Variants in HORMAD2 observed in about 807,000 individuals in gnomAD.
HORMAD2 encodes the protein HORMA domain-containing protein 2.
Under a neutral mutation model 38.8 loss-of-function variants are expected in HORMAD2, and 45 were observed. The ratio of observed to expected loss-of-function variants is 1.16; its 90% confidence interval spans 0.91 to 1.49. The LOEUF (loss-of-function observed/expected upper bound fraction) is 1.49. Among genes scored for constraint, HORMAD2 ranks in the 40% most tolerant of loss-of-function variants. The pLI is 0.00. For missense variants in HORMAD2, 338 were observed against 367.0 expected, an observed-to-expected ratio of 0.92 and a Z score of 0.65; for synonymous variants, 126 against 122.8, an observed-to-expected ratio of 1.03 and a Z score of -0.17.
At chr22:30,120,739 A>G (rs1922368855) in intron 8 of HORMAD2, among the ~76,000 whole-genome samples, 1 of 152,234 alleles carries the variant, frequency 6.6e-6, no homozygotes, top group South Asian at 2.1e-4. Context: ...AGTTATCCTG[A>G]GGATGAGATG....
At chr22:30,177,371 C>G (rs1464317058), downstream of HORMAD2, among the ~76,000 whole-genome samples, 1 of 152,188 alleles carries the variant, frequency 6.6e-6, no homozygotes, top group East Asian at 1.9e-4. Flanking sequence ...AGCACTGCCC[C>G]TTGCCAGACT....
intron 10 of HORMAD2, among the ~76,000 whole-genome samples, chr22:30,141,249 C>T (rs556002303): frequency 3.3e-5 from 5 of 152,248 alleles, no homozygotes; most frequent in South Asian, 4.1e-4. Flanking sequence ...CCACCCACCT[C>T]GGCCTCCCAA....
At chr22:30,105,358 C>A in intron 5 of HORMAD2, 1 of 161,898 alleles carries the variant, frequency 6.2e-6, no homozygotes, top group South Asian at 1.5e-4. Flanking sequence ...CATTCTTGGT[C>A]ACCTTGTGGC....
chr22:30,173,621 T>C (rs569290216), intron 10 of HORMAD2, among the ~76,000 whole-genome samples: 8 of 152,326 alleles, frequency 5.3e-5, no homozygotes, highest in Admixed American at 3.9e-4. Context: ...TTCTTTGGAA[T>C]ACCCATGTGG....
downstream of HORMAD2, among the ~76,000 whole-genome samples, chr22:30,179,980 C>A (rs1186154023): frequency 2.0e-5 from 3 of 152,112 alleles, no homozygotes; most frequent in Non-Finnish European, 2.9e-5. Flanking sequence ...CCTTGACCTC[C>A]CAGGTTCAAG....
At chr22:30,134,136 T>C (rs5763797) in intron 10 of HORMAD2, among the ~76,000 whole-genome samples, 113,325 of 152,038 alleles carry the variant, frequency 0.75, 43,538 homozygotes, top group African/African-American at 0.93. Context: ...TGGTGGCTAA[T>C]GCCTGTAATC....
chr22:30,086,637 G>A (rs2068575368), intron 1 of HORMAD2, among the ~76,000 whole-genome samples: 1 of 152,128 alleles, frequency 6.6e-6, no homozygotes, highest in Non-Finnish European at 1.5e-5. Flanking sequence ...TAAAAACTCT[G>A]GCTGCAATAT....
intron 3 of HORMAD2, 57 bp from the exon 4 acceptor site, chr22:30,103,380 A>G (rs1920972694): frequency 2.1e-6 from 2 of 951,842 alleles, no homozygotes; most frequent in Admixed American, 2.0e-5. Context: ...AGCATGGACA[A>G]TTTCAGTACA....
intron 5 of HORMAD2, among the ~76,000 whole-genome samples, chr22:30,109,000 C>G (rs1921422274): frequency 6.9e-6 from 1 of 144,746 alleles, no homozygotes; most frequent in Non-Finnish European, 1.5e-5. Flanking sequence ...CCTTTCTTTC[C>G]TTTCCTCCTT....
intron 10 of HORMAD2, chr22:30,137,446 C>T (rs1025976348): frequency 9.3e-6 from 3 of 324,238 alleles, no homozygotes; most frequent in South Asian, 3.1e-5. Flanking sequence ...GTTGATCACA[C>T]CACTGCACTG....
intron 10 of HORMAD2, among the ~76,000 whole-genome samples, chr22:30,173,390 G>A (rs1311167798): frequency 6.6e-6 from 1 of 152,224 alleles, no homozygotes; most frequent in African/African-American, 2.4e-5. Context: ...CACTAAAGAA[G>A]TAATGGGAAT....
intron 10 of HORMAD2, among the ~76,000 whole-genome samples, chr22:30,155,154 G>A (rs964450714): frequency 9.2e-5 from 14 of 151,842 alleles, no homozygotes; most frequent in African/African-American, 3.1e-4. Flanking sequence ...TCCTTCAGGT[G>A]GCACATGATT....
the HORMAD2 span, among the ~76,000 whole-genome samples, chr22:30,195,340 T>C: frequency 6.6e-6 from 1 of 152,198 alleles, no homozygotes; most frequent in Non-Finnish European, 1.5e-5. Context: ...TTCAAGGAGC[T>C]CAAAGTACTT....
chr22:30,086,935 C>T (rs2068580536), intron 1 of HORMAD2, among the ~76,000 whole-genome samples: 1 of 152,188 alleles, frequency 6.6e-6, no homozygotes, highest in African/African-American at 2.4e-5. Flanking sequence ...GCTGGGATTA[C>T]AGGCATGTGC....
the HORMAD2 span, among the ~76,000 whole-genome samples, chr22:30,200,083 A>G: frequency 2.0e-5 from 3 of 151,220 alleles, no homozygotes; most frequent in Non-Finnish European, 4.4e-5. Flanking sequence ...CGCCTGGCTA[A>G]TTTTTATATT....
At chr22:30,195,791 A>G in the HORMAD2 span, among the ~76,000 whole-genome samples, 4 of 152,210 alleles carry the variant, frequency 2.6e-5, no homozygotes, top group Non-Finnish European at 5.9e-5. Flanking sequence ...GGAACCAACT[A>G]GGCTATCATC....
chr22:30,126,525 T>C (rs750887617), intron 10 of HORMAD2, among the ~76,000 whole-genome samples: 18 of 152,178 alleles, frequency 1.2e-4, no homozygotes, highest in Non-Finnish European at 2.2e-4. Context: ...TATTTTTACA[T>C]GTTGTTGTAG....
intron 4 of HORMAD2, 85 bp downstream of exon 4, chr22:30,103,585 C>T: frequency 5.2e-6 from 2 of 387,824 alleles, no homozygotes; most frequent in South Asian, 3.1e-5. Flanking sequence ...TTAGTAAGAT[C>T]ATTTTTTAAA....
chr22:30,193,742 G>A, the HORMAD2 span, among the ~76,000 whole-genome samples: 1 of 152,214 alleles, frequency 6.6e-6, no homozygotes, highest in Non-Finnish European at 1.5e-5. Flanking sequence ...TAGCGATAGG[G>A]CTTCTGACAC....
Sources: gnomAD v4.1 joint callset for allele counts (sites outside exome capture counted in the v4.1 genomes callset) on GRCh38, gnomAD v4.1.1 for gene constraint, MANE v1.5 for transcripts, NCBI Gene and HGNC (gene_info 2026-07-23, HGNC 2026-07-21) for gene names.